RNF169: variants seen among roughly 807,000 people sequenced by gnomAD.
RNF169 encodes ring finger protein 169, also known as E3 ubiquitin-protein ligase RNF169.
RNF169 carries 24 observed loss-of-function variants against 53.9 expected under a neutral mutation model. The observed-to-expected ratio is 0.45, with a 90% CI of 0.32 to 0.63. The LOEUF (loss-of-function observed/expected upper bound fraction) is 0.63, where lower values mean the gene tolerates loss of function less well. RNF169 is among the 20% of genes least tolerant of loss of function. The pLI is 0.04. For synonymous variants in RNF169, 396 were observed against 363.5 expected, an observed-to-expected ratio of 1.09 and a Z score of -1.02; for missense variants, 883 against 906.2, an observed-to-expected ratio of 0.97 and a Z score of 0.33.
chr11:74,749,061 C>G lies in RNF169; in HGVS notation c.181C>G (p.Pro61Ala). The G allele has an allele frequency of 5.4e-6, 8 of 1,467,948 alleles. No individual in the cohort carries two copies. The South Asian group carries it at 7.8e-5, about 14-fold the overall frequency. The allele number at this position is 1,467,948 out of a possible 1,614,324, so 90.9% of individuals were successfully genotyped here. A position where few individuals can be genotyped will look rare whatever the true frequency, so the allele number is the denominator to read the frequency against. ...GCCGTTGCTGCAGCCGCCGCTGCCGCCGCGGCCGGAGGAATCGGGCTGCGC... is the reference window on the plus strand; with the variant it reads ...GCCGTTGCTGCAGCCGCCGCTGCCGGCGCGGCCGGAGGAATCGGGCTGCGC... ...SPPLLQPPLP[P>A]RPEESGCAGC... Residue 61 changes from proline to alanine, a missense_variant, in exon 1 of 6, where the codon CCG (proline) becomes GCG (alanine). This residue lies in a region of RNF169 where 313 missense variants were observed against 279.9 expected (regional missense o/e 1.12). Transcript: ENST00000299563.
intron 4 of RNF169, chr11:74,831,538 A>C (rs1565188423): frequency 6.6e-6 from 1 of 152,244 alleles, no homozygotes; most frequent in Non-Finnish European, 1.5e-5. Flanking sequence ...GGATTAGAAG[A>C]CATAATATTG....
chr11:74,755,419 G>A (rs1179928679), intron 1 of RNF169, among the ~76,000 whole-genome samples: 1 of 152,192 alleles, frequency 6.6e-6, no homozygotes, highest in Non-Finnish European at 1.5e-5. Flanking sequence ...GAGTTGGCTT[G>A]AGTATATGAT....
At chr11:74,827,469 T>TA (rs755776033) in intron 4 of RNF169, among the ~76,000 whole-genome samples, 13 of 152,368 alleles carry the variant, frequency 8.5e-5, no homozygotes, top group Non-Finnish European at 1.6e-4. Context: ...CCTTATTACT[T>TA]ATGCAAATTT....
intron 2 of RNF169, among the ~76,000 whole-genome samples, chr11:74,792,379 G>T (rs2035591011): frequency 6.6e-6 from 1 of 152,074 alleles, no homozygotes; most frequent in Admixed American, 6.6e-5. Flanking sequence ...AAAAGGAGGT[G>T]AAGCAAAAGA....
At chr11:74,768,333 A>C (rs1279093902) in intron 1 of RNF169, among the ~76,000 whole-genome samples, 1 of 152,130 alleles carries the variant, frequency 6.6e-6, no homozygotes, top group Non-Finnish European at 1.5e-5. Flanking sequence ...AGAGCCAGGC[A>C]TGGTGGCTCA....
At chr11:74,820,430 G>C (rs1024134045) in intron 4 of RNF169, among the ~76,000 whole-genome samples, 1 of 152,070 alleles carries the variant, frequency 6.6e-6, no homozygotes, top group African/African-American at 2.4e-5. Flanking sequence ...TTGAAGGATG[G>C]AGGAAATGAG....
At chr11:74,778,621 G>A (rs935058966) in intron 1 of RNF169, among the ~76,000 whole-genome samples, 2 of 152,164 alleles carry the variant, frequency 1.3e-5, no homozygotes, top group African/African-American at 4.8e-5. Context: ...CAGTGGTGGC[G>A]GGCTGGGCGG....
At chr11:74,831,490 A>G (rs2036176994) in intron 4 of RNF169, 1 of 151,230 alleles carries the variant, frequency 6.6e-6, no homozygotes, top group Admixed American at 6.6e-5. Flanking sequence ...AAAGAAATTA[A>G]AGAAGATCTA....
rs2034835802 is a variant in RNF169 at position 74,748,917 on chromosome 11, G to A, written c.37G>A (p.Ala13Thr). The change falls in exon 1 of 6, where the codon GCG becomes ACG. Residue 13 changes from alanine (A) to threonine (T), a missense_variant. Ala to Thr is a moderately conservative substitution (Grantham distance 58). Around this residue, in one of 3 missense-constraint regions of RNF169, gnomAD observed 313 missense variants for 279.9 expected, o/e 1.12. Transcript: ENST00000299563. ...AAGPSTRASS[A>T]AAAAALSRRG... Reference sequence around the variant, plus strand: ...AGGTCCGAGTACTCGGGCCTCTTCCGCGGCGGCAGCAGCCGCTCTGAGTCG... The same window carrying A: ...AGGTCCGAGTACTCGGGCCTCTTCCACGGCGGCAGCAGCCGCTCTGAGTCG... 1.4e-6 allele frequency: 2 copies of A among 1,447,586 alleles called. No individual in the cohort carries two copies. The highest frequency in any genetic ancestry group is 1.4e-5 in the South Asian group (1 of 73,288). 89.7% of individuals were successfully genotyped at this position (1,447,586 alleles called of 1,614,324 possible).
intron 1 of RNF169, among the ~76,000 whole-genome samples, chr11:74,750,974 A>G (rs913651756): frequency 2.1e-5 from 3 of 145,880 alleles, no homozygotes; most frequent in African/African-American, 7.8e-5. Flanking sequence ...TCCCAGGTTC[A>G]AGCGATTCTC....
chr11:74,793,962 T>C (rs942164517), intron 2 of RNF169, among the ~76,000 whole-genome samples: 1 of 152,218 alleles, frequency 6.6e-6, no homozygotes, highest in Non-Finnish European at 1.5e-5. Flanking sequence ...ATAAACACTT[T>C]AGTCTTCTGT....
chr11:74,769,870 A>AC, intron 1 of RNF169, among the ~76,000 whole-genome samples: 1 of 152,290 alleles, frequency 6.6e-6, no homozygotes, highest in East Asian at 1.9e-4. Context: ...ATCATGGCAC[A>AC]TTACAGCCTC....
intron 1 of RNF169, among the ~76,000 whole-genome samples, chr11:74,767,322 A>T (rs1284260341): frequency 6.6e-6 from 1 of 152,202 alleles, no homozygotes; most frequent in African/African-American, 2.4e-5. Context: ...ATTGCAATAG[A>T]TGGCTTAAAA....
At chr11:74,824,040 A>G (rs1373961775) in intron 4 of RNF169, among the ~76,000 whole-genome samples, 1 of 152,134 alleles carries the variant, frequency 6.6e-6, no homozygotes, top group Non-Finnish European at 1.5e-5. Context: ...CATACACAGG[A>G]AAAAAGAAAC....
chr11:74,768,137 T>G (rs999170264), intron 1 of RNF169, among the ~76,000 whole-genome samples: 8 of 152,154 alleles, frequency 5.3e-5, no homozygotes, highest in African/African-American at 1.9e-4. Flanking sequence ...GGTATCAGGG[T>G]GGTTGAATAA....
At chr11:74,835,233 A>G (rs556791014) in intron 5 of RNF169, among the ~76,000 whole-genome samples, 1 of 152,234 alleles carries the variant, frequency 6.6e-6, no homozygotes, top group African/African-American at 2.4e-5. Flanking sequence ...CAGCTTCCCA[A>G]AATGCTGGGA....
intron 4 of RNF169, among the ~76,000 whole-genome samples, chr11:74,833,258 CCTTTA>C (rs907456671): frequency 6.6e-6 from 1 of 152,148 alleles, no homozygotes; most frequent in African/African-American, 2.4e-5. Context: ...TACCTTACCT[CCTTTA>C]CAAGTTTTCT....
At chr11:74,780,292 G>A (rs1267771195) in intron 1 of RNF169, among the ~76,000 whole-genome samples, 1 of 151,762 alleles carries the variant, frequency 6.6e-6, no homozygotes, top group Non-Finnish European at 1.5e-5. Flanking sequence ...TTTCTTCCTC[G>A]CTGTTCATTC....
chr11:74,752,566 C>G (rs2034914175), intron 1 of RNF169, among the ~76,000 whole-genome samples: 1 of 148,420 alleles, frequency 6.7e-6, no homozygotes, highest in Admixed American at 6.8e-5. Flanking sequence ...CACTGCACTC[C>G]AGCCTGGTGG....
Sources: allele counts gnomAD v4.1 joint callset (sites outside exome capture counted in the v4.1 genomes callset), GRCh38; gene constraint gnomAD v4.1.1; regional missense constraint gnomAD v4.1.1; transcripts MANE v1.5; gene names NCBI Gene and HGNC (gene_info 2026-07-23, HGNC 2026-07-21).